Variants in VEPH1 observed in about 807,000 individuals in gnomAD.
VEPH1 encodes ventricular zone expressed PH domain containing 1, also known as ventricular zone-expressed PH domain-containing protein homolog 1.
VEPH1 carries 80 observed loss-of-function variants against 85.2 expected under a neutral mutation model. That is an observed-to-expected ratio of 0.94 (90% CI 0.78 to 1.13). The LOEUF (loss-of-function observed/expected upper bound fraction) is 1.13, where lower values mean the gene tolerates loss of function less well. Ranked by LOEUF, VEPH1 falls within the 50% of genes most tolerant of loss-of-function variation. The pLI is 0.00. For missense variants in VEPH1, 955 were observed against 980.5 expected (o/e 0.97, Z 0.35); for synonymous variants, 297 against 348.0 (o/e 0.85, Z 1.63).
intron 6 of VEPH1, among the ~76,000 whole-genome samples, chr3:157,400,362 C>T (rs1056958205): frequency 4.0e-5 from 6 of 151,770 alleles, no homozygotes; most frequent in Admixed American, 6.6e-5. Flanking sequence ...TAAACCCCAC[C>T]CTTGAGAAAA....
intron 9 of VEPH1, among the ~76,000 whole-genome samples, chr3:157,361,370 T>C (rs932643800): frequency 1.3e-5 from 2 of 151,808 alleles, no homozygotes; most frequent in Non-Finnish European, 2.9e-5. Flanking sequence ...CCCCTTTCCC[T>C]TTGTTAGCAT....
At chr3:157,316,987 A>G (rs1720819022) in intron 10 of VEPH1, 75 bp downstream of exon 10, 3 of 1,462,196 alleles carry the variant, frequency 2.1e-6, no homozygotes, top group Non-Finnish European at 1.8e-6. Context: ...GCCAAAGAAT[A>G]ATTCAATAAA....
intron 6 of VEPH1, among the ~76,000 whole-genome samples, chr3:157,394,747 T>G (rs1730204315): frequency 6.6e-6 from 1 of 152,132 alleles, no homozygotes; most frequent in Non-Finnish European, 1.5e-5. Flanking sequence ...CATACCTCAC[T>G]CTGAAACTAA....
At chr3:157,354,270 A>T (rs1204185360) in intron 9 of VEPH1, among the ~76,000 whole-genome samples, 2 of 152,048 alleles carry the variant, frequency 1.3e-5, no homozygotes, top group Non-Finnish European at 2.9e-5. Flanking sequence ...AAAAAAAAGA[A>T]TGAGTGGTCA....
At chr3:157,349,074 C>T (rs1221758849) in intron 9 of VEPH1, among the ~76,000 whole-genome samples, 1 of 152,180 alleles carries the variant, frequency 6.6e-6, no homozygotes, top group Non-Finnish European at 1.5e-5. Context: ...AAGCCATTAT[C>T]CCAGATGAAC....
intron 11 of VEPH1, among the ~76,000 whole-genome samples, chr3:157,292,846 G>A (rs966894284): frequency 5.3e-5 from 8 of 150,060 alleles, no homozygotes; most frequent in East Asian, 3.9e-4. Context: ...AGCCAGGCAC[G>A]GTGGCAAGTG....
intron 9 of VEPH1, among the ~76,000 whole-genome samples, chr3:157,349,653 C>T (rs941123687): frequency 1.3e-5 from 2 of 152,104 alleles, no homozygotes; most frequent in Non-Finnish European, 2.9e-5. Flanking sequence ...TACCAAAAAA[C>T]TCTAAGAATT....
chr3:157,397,440 A>G (rs1481768733), intron 6 of VEPH1, among the ~76,000 whole-genome samples: 1 of 152,148 alleles, frequency 6.6e-6, no homozygotes, highest in Non-Finnish European at 1.5e-5. Context: ...TATGAATTTT[A>G]AAGTAGTTTT....
chr3:157,290,722 T>A (rs879474859), intron 11 of VEPH1, among the ~76,000 whole-genome samples: 3 of 152,200 alleles, frequency 2.0e-5, no homozygotes, highest in Non-Finnish European at 4.4e-5. Flanking sequence ...GTTTTCCTGA[T>A]AAACATCATT....
At chr3:157,429,412 G>A (rs1371178284) in intron 4 of VEPH1, among the ~76,000 whole-genome samples, 1 of 152,066 alleles carries the variant, frequency 6.6e-6, no homozygotes, top group East Asian at 1.9e-4. Flanking sequence ...ATATATAAAA[G>A]ACAATTTAGA....
chr3:157,261,608 A>G (rs1712913479), intron 13 of VEPH1, among the ~76,000 whole-genome samples: 1 of 152,184 alleles, frequency 6.6e-6, no homozygotes, highest in South Asian at 2.1e-4. Context: ...ATATTATTAT[A>G]AAGTGGGATT....
intron 5 of VEPH1, among the ~76,000 whole-genome samples, chr3:157,420,601 ACT>A (rs1362266089): frequency 6.6e-6 from 1 of 152,072 alleles, no homozygotes; most frequent in East Asian, 1.9e-4. Flanking sequence ...ATATTCCAGC[ACT>A]CTGTCTTCTT....
intron 6 of VEPH1, among the ~76,000 whole-genome samples, chr3:157,403,719 CTG>C (rs1283961573): frequency 2.3e-4 from 35 of 152,168 alleles, no homozygotes; most frequent in Middle Eastern, 3.4e-3. Flanking sequence ...AAGATTATGA[CTG>C]TTAAAGGTTA....
At chr3:157,351,435 C>A (rs1188922229) in intron 9 of VEPH1, among the ~76,000 whole-genome samples, 1 of 152,170 alleles carries the variant, frequency 6.6e-6, no homozygotes, top group African/African-American at 2.4e-5. Context: ...CTCAAGCAAT[C>A]CACCCGCCTT....
intron 2 of VEPH1, among the ~76,000 whole-genome samples, chr3:157,477,565 C>T (rs1737601782): frequency 6.6e-6 from 1 of 152,054 alleles, no homozygotes; most frequent in Non-Finnish European, 1.5e-5. Flanking sequence ...GTGGTGGACA[C>T]TTGACTTGGG....
At chr3:157,374,815 T>C (rs536887046) in intron 7 of VEPH1, among the ~76,000 whole-genome samples, 1 of 152,284 alleles carries the variant, frequency 6.6e-6, no homozygotes, top group South Asian at 2.1e-4. Flanking sequence ...ATGGTAAAGG[T>C]TAGTGGGGTA....
At chr3:157,316,965 A>T in intron 10 of VEPH1, 97 bp downstream of exon 10, 1 of 1,318,260 alleles carries the variant, frequency 7.6e-7, no homozygotes, top group Non-Finnish European at 1.0e-6. Flanking sequence ...TGTTATCTAC[A>T]TATCAACTCT....
intron 7 of VEPH1, among the ~76,000 whole-genome samples, chr3:157,371,414 A>G (rs992639087): frequency 9.9e-5 from 15 of 152,208 alleles, no homozygotes; most frequent in African/African-American, 3.6e-4. Flanking sequence ...TATTTAACCA[A>G]CATGGGAGAG....
chr3:157,425,522 C>G (rs1266486641), intron 5 of VEPH1, among the ~76,000 whole-genome samples: 2 of 152,160 alleles, frequency 1.3e-5, no homozygotes, highest in South Asian at 2.1e-4. Flanking sequence ...CATTTCGGAG[C>G]TTTAATATTT....
Sources: gnomAD v4.1 joint callset for allele counts (sites outside exome capture counted in the v4.1 genomes callset) on GRCh38, gnomAD v4.1.1 for gene constraint, MANE v1.5 for transcripts, NCBI Gene and HGNC (gene_info 2026-07-23, HGNC 2026-07-21) for gene names.